CACNB2: variants seen among roughly 807,000 people sequenced by gnomAD.
CACNB2 encodes the protein calcium voltage-gated channel auxiliary subunit beta 2, also known as voltage-dependent L-type calcium channel subunit beta-2.
In CACNB2, 42 loss-of-function variants were observed where a neutral mutation model predicts 73.3. The ratio of observed to expected loss-of-function variants is 0.57; its 90% CI spans 0.45 to 0.74. CACNB2 has a LOEUF of 0.74. CACNB2 is among the 30% of genes least tolerant of loss of function. The pLI, the probability that CACNB2 is intolerant of heterozygous loss-of-function variation, is 0.00. For missense variants in CACNB2, 940 were observed against 853.0 expected, an observed-to-expected ratio of 1.10 and a Z score of -1.27; for synonymous variants, 348 against 310.3, an observed-to-expected ratio of 1.12 and a Z score of -1.28.
chr10:18,343,789 T>C (rs1054754517), intron 2 of CACNB2, among the ~76,000 whole-genome samples: 1 of 152,134 alleles, frequency 6.6e-6, no homozygotes, highest in African/African-American at 2.4e-5. Flanking sequence ...TGGAGACCTG[T>C]GGGTCAGCTA....
chr10:18,209,433 G>A (rs2035228950), intron 2 of CACNB2, among the ~76,000 whole-genome samples: 4 of 152,140 alleles, frequency 2.6e-5, no homozygotes, highest in Admixed American at 2.0e-4. Context: ...TAGAAGTAAG[G>A]ATGTGCTTTT....
rs369266913 is a variant in CACNB2, at chr10:18,365,936, T to C, written c.214-35988T>C. On this transcript the variant is annotated intron_variant, in intron 2 of 13. Coordinates refer to ENST00000324631, the MANE Select transcript of CACNB2 (RefSeq NM_201596.3). ...CAATTTGGCCTGTGGAGGGTAGGAA[T>C]TCCAGGAAGTTTCTGAGCCCTCTCA... Among the ~76,000 whole-genome samples, 9 of 152,320 alleles carry C rather than the reference T, an allele frequency of 5.9e-5. No individual in the cohort carries two copies. In the East Asian group the frequency reaches 1.2e-3, roughly 20 times the overall value.
intron 2 of CACNB2, among the ~76,000 whole-genome samples, chr10:18,288,027 A>G (rs771883049): frequency 2.0e-5 from 3 of 152,098 alleles, no homozygotes; most frequent in Non-Finnish European, 2.9e-5. Context: ...GTATCTTTAC[A>G]TCATCTTCCC....
intron 2 of CACNB2, among the ~76,000 whole-genome samples, chr10:18,328,017 G>C (rs763012858): frequency 6.6e-6 from 1 of 152,146 alleles, no homozygotes; most frequent in Non-Finnish European, 1.5e-5. Flanking sequence ...CTGCCTTAGG[G>C]GTAAGTGGTG....
At chr10:18,249,851 G>A (rs1247303872) in intron 2 of CACNB2, among the ~76,000 whole-genome samples, 21 of 152,128 alleles carry the variant, frequency 1.4e-4, no homozygotes, top group Admixed American at 1.3e-3. Context: ...TCCTACAGAC[G>A]TCTCAAAATT....
chr10:18,166,150 T>C (rs528741882), intron 2 of CACNB2, among the ~76,000 whole-genome samples: 2 of 152,332 alleles, frequency 1.3e-5, no homozygotes, highest in South Asian at 4.1e-4. Flanking sequence ...AACGTTATTA[T>C]TAAGGTCATA....
At chr10:18,200,447 G>A (rs2034831429) in intron 2 of CACNB2, among the ~76,000 whole-genome samples, 2 of 151,412 alleles carry the variant, frequency 1.3e-5, no homozygotes, top group African/African-American at 4.8e-5. Context: ...TGAAAGGAAG[G>A]GGAAATCTGA....
chr10:18,292,718 C>T (rs970304652), intron 2 of CACNB2, among the ~76,000 whole-genome samples: 2 of 152,086 alleles, frequency 1.3e-5, no homozygotes, highest in Non-Finnish European at 2.9e-5. Flanking sequence ...ACAAAACCTA[C>T]CAGATTGAGC....
At chr10:18,435,676 T>G (rs1458072303) in intron 3 of CACNB2, among the ~76,000 whole-genome samples, 1 of 151,998 alleles carries the variant, frequency 6.6e-6, no homozygotes, top group East Asian at 1.9e-4. Flanking sequence ...TTTTTGTATT[T>G]TTTTGTAGGG....
At chr10:18,197,175 C>T (rs1271986337) in intron 2 of CACNB2, among the ~76,000 whole-genome samples, 2 of 152,144 alleles carry the variant, frequency 1.3e-5, no homozygotes, top group East Asian at 1.9e-4. Flanking sequence ...GCCTGTGTTT[C>T]GTTCCTCGTC....
At chr10:18,532,083 A>T (rs2053088357) in intron 10 of CACNB2, 1 of 152,202 alleles carries the variant, frequency 6.6e-6, no homozygotes, top group South Asian at 2.1e-4. Flanking sequence ...CCTAGCATGG[A>T]TACATCCATT....
At chr10:18,522,438 G>A (rs2051992852) in intron 9 of CACNB2, among the ~76,000 whole-genome samples, 2 of 152,136 alleles carry the variant, frequency 1.3e-5, no homozygotes, top group Admixed American at 6.5e-5. Context: ...AGTATTTGTT[G>A]GTTTCAGGAT....
intron 3 of CACNB2, among the ~76,000 whole-genome samples, chr10:18,408,494 C>A (rs1428270236): frequency 3.3e-5 from 5 of 152,076 alleles, no homozygotes; most frequent in African/African-American, 1.2e-4. Flanking sequence ...CCACCTTGGA[C>A]TCTTGAAGTT....
intron 2 of CACNB2, among the ~76,000 whole-genome samples, chr10:18,377,157 C>T (rs1032838236): frequency 1.3e-5 from 2 of 152,060 alleles, no homozygotes; most frequent in African/African-American, 4.8e-5. Context: ...AAAAACCACC[C>T]GTTCTAAGAT....
chr10:18,184,649 G>GTTTTTT (rs201899870), intron 2 of CACNB2, among the ~76,000 whole-genome samples: 1 of 87,782 alleles, frequency 1.1e-5, no homozygotes, highest in Non-Finnish European at 2.2e-5. Context: ...CTCAGACTTT[G>GTTTTTT]TTTTTTTTTT....
At chr10:18,317,740 A>G (rs1309551753) in intron 2 of CACNB2, among the ~76,000 whole-genome samples, 5 of 152,108 alleles carry the variant, frequency 3.3e-5, no homozygotes, top group Non-Finnish European at 7.4e-5. Flanking sequence ...ACCCTAAGGA[A>G]CATCCATTCT....
intron 1 of CACNB2, among the ~76,000 whole-genome samples, chr10:18,146,209 G>A (rs2030956683): frequency 6.6e-6 from 1 of 151,846 alleles, no homozygotes; most frequent in Non-Finnish European, 1.5e-5. Context: ...TCTCTGGATA[G>A]TTTTGGCTTT....
rs575571808 is a variant in CACNB2, at chr10:18,230,819, TAAG to T, written c.213+79848_213+79850del. 2.0e-4 allele frequency among the ~76,000 whole-genome samples: 30 copies of T among 148,170 alleles called. No homozygotes were observed. The South Asian group carries it at 6.1e-3, about 30-fold the overall frequency. On this transcript the variant is annotated intron_variant, in intron 2 of 13. Coordinates refer to ENST00000324631, the MANE Select transcript of CACNB2 (RefSeq NM_201596.3). Reference sequence around the variant, plus strand: ...GTCCCACATGAGGTGAAACTGACCATAAGAAGGAGATCATTTTTTGTAGCTTTT... The same window carrying T: ...GTCCCACATGAGGTGAAACTGACCATAAGGAGATCATTTTTTGTAGCTTTT...
At chr10:18,464,868 G>T (rs2047790078) in intron 3 of CACNB2, among the ~76,000 whole-genome samples, 1 of 152,256 alleles carries the variant, frequency 6.6e-6, no homozygotes, top group Non-Finnish European at 1.5e-5. Flanking sequence ...AGATTCTAGT[G>T]AACCAATGCA....
Sources: gnomAD v4.1 joint callset for allele counts (sites outside exome capture counted in the v4.1 genomes callset) on GRCh38, gnomAD v4.1.1 for gene constraint, MANE v1.5 for transcripts, NCBI Gene and HGNC (gene_info 2026-07-23, HGNC 2026-07-21) for gene names.